The following TDRD12 variants were observed in gnomAD, a reference collection of about 807,000 sequenced individuals.
TDRD12 encodes putative ATP-dependent RNA helicase TDRD12.
TDRD12 carries 158 observed loss-of-function variants against 133.5 expected under a neutral mutation model. That is an observed-to-expected ratio of 1.18 (90% CI 1.04 to 1.35). The LOEUF is 1.35. Among genes scored for constraint, TDRD12 ranks in the 40% most tolerant of loss-of-function variants. The probability of loss-of-function intolerance (pLI) is 0.00; values close to 1 mark genes in which losing one functional copy is unlikely to be tolerated. For synonymous variants in TDRD12, 460 were observed against 477.9 expected (o/e 0.96, Z 0.49); for missense variants, 1,443 against 1,321.3 (o/e 1.09, Z -1.43).
intron 8 of TDRD12, among the ~76,000 whole-genome samples, chr19:32,769,545 A>G (rs1003042358): frequency 2.0e-5 from 3 of 152,202 alleles, no homozygotes; most frequent in African/African-American, 4.8e-5. Context: ...TTCAGTTTGC[A>G]GTGAGAAATA....
chr19:32,744,522 A>AAG (rs1969539221), intron 4 of TDRD12, among the ~76,000 whole-genome samples: 1 of 150,272 alleles, frequency 6.7e-6, no homozygotes, highest in African/African-American at 2.4e-5. Context: ...AAAAAAAAAA[A>AAG]AACAAAAGAA....
chr19:32,745,378 T>G (rs1969571554), intron 4 of TDRD12, among the ~76,000 whole-genome samples: 1 of 152,214 alleles, frequency 6.6e-6, no homozygotes, highest in Non-Finnish European at 1.5e-5. Flanking sequence ...TTTGTGTTTG[T>G]GTTTTATGCA....
rs554918425 is a variant in TDRD12 at position 32,792,854 on chromosome 19, T to TC, written c.1288-1773dup. Among the ~76,000 whole-genome samples, 40 of 152,302 alleles carry TC rather than the reference T, an allele frequency of 2.6e-4. No homozygotes were observed. The East Asian group carries it at 7.3e-3, about 28-fold the overall frequency. On this transcript the variant is annotated intron_variant, in intron 13 of 27. Coordinates refer to ENST00000444215, the Ensembl canonical transcript of TDRD12. ...CACTGGACCAGGAATCAGAATGGCT[T>TC]CAGATGTCTCCACAGTGCACCAAAT... is the stretch of plus-strand genomic sequence containing the variant.
intron 6 of TDRD12, among the ~76,000 whole-genome samples, chr19:32,752,714 C>T (rs1969867581): frequency 6.6e-6 from 1 of 151,766 alleles, no homozygotes; most frequent in African/African-American, 2.4e-5. Context: ...TACTTGAACA[C>T]TCTTTACTCT....
intron 8 of TDRD12, among the ~76,000 whole-genome samples, chr19:32,764,658 T>C (rs1970244257): frequency 6.6e-6 from 1 of 152,252 alleles, no homozygotes; most frequent in Admixed American, 6.5e-5. Flanking sequence ...TTTATCTTTA[T>C]TGATTTTCCA....
chr19:32,774,111 C>T (rs941802881), intron 10 of TDRD12, among the ~76,000 whole-genome samples: 2 of 152,204 alleles, frequency 1.3e-5, no homozygotes, highest in African/African-American at 4.8e-5. Flanking sequence ...AGATACATGT[C>T]AGTGACGTTA....
chr19:32,821,077 C>T (rs1437078161), exon 28 of TDRD12: 3 of 1,535,812 alleles, frequency 2.0e-6, no homozygotes, highest in East Asian at 4.9e-5. Context: ...AGCCCCCAGC[C>T]TGAGGACACG....
At chr19:32,814,446 G>C (rs1469568154) in intron 25 of TDRD12, among the ~76,000 whole-genome samples, 2 of 152,184 alleles carry the variant, frequency 1.3e-5, no homozygotes, top group Non-Finnish European at 2.9e-5. Flanking sequence ...TATGAGGTTG[G>C]AAAAGTTTTA....
chr19:32,755,544 G>C (rs1187635234), intron 6 of TDRD12, among the ~76,000 whole-genome samples: 2 of 152,200 alleles, frequency 1.3e-5, no homozygotes, highest in African/African-American at 2.4e-5. Context: ...TCGTTTTATT[G>C]AGTTTTGAGA....
exon 28 of TDRD12, chr19:32,821,117 G>T: frequency 7.8e-6 from 12 of 1,535,992 alleles, no homozygotes; most frequent in Non-Finnish European, 1.0e-5. Flanking sequence ...AGTCCAAGAC[G>T]AGCTCAGAAA....
chr19:32,800,324 T>C, exon 17 of TDRD12: 1 of 1,526,064 alleles, frequency 6.6e-7, no homozygotes. Flanking sequence ...ATCACAGCCA[T>C]GGAAGAGGCT....
chr19:32,768,402 T>C (rs1019313429), intron 8 of TDRD12, among the ~76,000 whole-genome samples: 2 of 148,926 alleles, frequency 1.3e-5, no homozygotes, highest in African/African-American at 2.5e-5. Flanking sequence ...TTTTTTTTTC[T>C]TTTCAGAGAC....
At chr19:32,798,605 C>T (rs1217945221) in intron 16 of TDRD12, among the ~76,000 whole-genome samples, 170 bp downstream of exon 16, 1 of 152,182 alleles carries the variant, frequency 6.6e-6, no homozygotes, top group Admixed American at 6.5e-5. Context: ...GTGAAATTTC[C>T]TTCCCAGTGT....
At chr19:32,771,333 G>C (rs1970437583) in intron 8 of TDRD12, among the ~76,000 whole-genome samples, 1 of 152,110 alleles carries the variant, frequency 6.6e-6, no homozygotes, top group Admixed American at 6.6e-5. Context: ...ACCACGCCTA[G>C]ATAACTTTCA....
At chr19:32,739,738 G>T (rs866816688) in intron 3 of TDRD12, among the ~76,000 whole-genome samples, 1 of 76,308 alleles carries the variant, frequency 1.3e-5, no homozygotes, top group East Asian at 3.9e-4. Context: ...CCTGGGTGCT[G>T]TCTGCATCTC....
intron 1 of TDRD12, among the ~76,000 whole-genome samples, chr19:32,728,096 ACT>A (rs1968916906): frequency 1.3e-5 from 2 of 151,596 alleles, no homozygotes; most frequent in Admixed American, 6.6e-5. Flanking sequence ...TTTATTCTGG[ACT>A]CTCTATTCTA....
Position 32,756,954 on chromosome 19 carries a change from G to A in TDRD12, c.773-84G>A, listed in dbSNP as rs1423348070. 1.9e-5 allele frequency: 23 copies of A among 1,194,188 alleles called. No homozygotes were observed. In the South Asian group the frequency reaches 2.7e-4, roughly 14 times the overall value. 74.0% of individuals were successfully genotyped at this position (1,194,188 alleles called of 1,614,324 possible). The stretch of plus-strand genomic sequence containing the variant: ...CTGTAACCTCAGAGCAAAAGCAAGA[G>A]CAGAAGTAATGTACTAACGAGTTCA... On this transcript the variant is annotated intron_variant, in intron 7 of 27. Transcript: ENST00000444215.
At chr19:32,790,999 A>G (rs537336999) in exon 13 of TDRD12, 3 of 1,536,110 alleles carry the variant, frequency 2.0e-6, no homozygotes, top group South Asian at 1.2e-5. Flanking sequence ...CGCCCGTGGT[A>G]GTGCTCCGGA....
chr19:32,820,139 G>A (rs955100138), intron 27 of TDRD12, among the ~76,000 whole-genome samples: 6 of 152,118 alleles, frequency 3.9e-5, no homozygotes, highest in African/African-American at 1.2e-4. Flanking sequence ...CAGGACGCTC[G>A]CTGCCTGAAT....
Sources: gnomAD v4.1 joint callset for allele counts (sites outside exome capture counted in the v4.1 genomes callset) on GRCh38, gnomAD v4.1.1 for gene constraint, MANE v1.5 for transcripts, NCBI Gene and HGNC (gene_info 2026-07-23, HGNC 2026-07-21) for gene names.